TENM3: variants seen among roughly 807,000 people sequenced by gnomAD.
TENM3 encodes teneurin-3.
In TENM3, 63 loss-of-function variants were observed where a neutral mutation model predicts 255.1. That is an observed-to-expected ratio of 0.25 (90% CI 0.20 to 0.30). The LOEUF (loss-of-function observed/expected upper bound fraction) is 0.30. Among genes scored for constraint, TENM3 ranks in the 10% least tolerant of loss-of-function variants. The pLI, the probability that TENM3 is intolerant of heterozygous loss-of-function variation, is 1.00. For synonymous variants in TENM3, 1,306 were observed against 1,322.3 expected (o/e 0.99, Z 0.27); for missense variants, 2,929 against 3,461.1 (o/e 0.85, Z 3.86).
the TENM3 span, among the ~76,000 whole-genome samples, chr4:181,784,807 A>T: frequency 6.6e-6 from 1 of 152,086 alleles, no homozygotes; most frequent in Non-Finnish European, 1.5e-5. Flanking sequence ...CCCCCTCACC[A>T]TTTTTAAGTT....
At chr4:181,448,785 T>G in the TENM3 span, among the ~76,000 whole-genome samples, 6 of 152,206 alleles carry the variant, frequency 3.9e-5, no homozygotes, top group Non-Finnish European at 7.3e-5. Context: ...TTACAAAGTT[T>G]TATAAAGACT....
chr4:182,713,944 C>G, intron 12 of TENM3, 143 bp from the exon 13 acceptor site: 1 of 634,984 alleles, frequency 1.6e-6, no homozygotes. Flanking sequence ...CCATAGATAA[C>G]GTTGCTGTTT....
the TENM3 span, among the ~76,000 whole-genome samples, chr4:181,843,414 T>C: frequency 3.9e-5 from 6 of 152,202 alleles, no homozygotes; most frequent in African/African-American, 1.4e-4. Context: ...TAGCCCCTGA[T>C]ATATACTAAC....
At chr4:181,997,961 A>G in the TENM3 span, among the ~76,000 whole-genome samples, 3 of 152,196 alleles carry the variant, frequency 2.0e-5, no homozygotes, top group African/African-American at 7.2e-5. Context: ...AGATTTCACA[A>G]TCTAATCAGG....
the TENM3 span, among the ~76,000 whole-genome samples, chr4:181,486,204 G>T: frequency 6.6e-6 from 1 of 152,138 alleles, no homozygotes; most frequent in Admixed American, 6.5e-5. Flanking sequence ...ACCAGGTACA[G>T]AAGGTTGCAA....
At chr4:181,707,049 A>G in the TENM3 span, among the ~76,000 whole-genome samples, 1 of 152,162 alleles carries the variant, frequency 6.6e-6, no homozygotes, top group African/African-American at 2.4e-5. Context: ...ACTGCAGGCC[A>G]TACTGTTATA....
At chr4:182,709,833 C>T (rs751574546) in intron 12 of TENM3, among the ~76,000 whole-genome samples, 2 of 152,152 alleles carry the variant, frequency 1.3e-5, no homozygotes, top group South Asian at 2.1e-4. Context: ...ATTTTTCTTA[C>T]GGTTGGTTTT....
the TENM3 span, among the ~76,000 whole-genome samples, chr4:181,672,986 A>G: frequency 6.6e-6 from 1 of 152,154 alleles, no homozygotes. Context: ...CCAACACAGT[A>G]AACAAAGAAG....
At chr4:182,183,875 A>ATGAG (rs1167748008) in intron 1 of TENM3, among the ~76,000 whole-genome samples, 1 of 152,218 alleles carries the variant, frequency 6.6e-6, no homozygotes, top group Non-Finnish European at 1.5e-5. Flanking sequence ...TAGCAAACAT[A>ATGAG]TGAGTATTCT....
At chr4:182,480,862 T>C (rs1238058636) in intron 3 of TENM3, among the ~76,000 whole-genome samples, 1 of 152,132 alleles carries the variant, frequency 6.6e-6, no homozygotes, top group African/African-American at 2.4e-5. Context: ...ACTGACATAT[T>C]TTTAGGCAAT....
At chr4:182,349,753 TA>T in intron 3 of TENM3, 1 of 252,964 alleles carries the variant, frequency 4.0e-6, no homozygotes, top group Non-Finnish European at 7.8e-6. Flanking sequence ...TTAATTGCTC[TA>T]ACTTAAAAAG....
rs143403246 is a variant in TENM3 at position 182,544,264 on chromosome 4, T to C, written c.512-56660T>C. Among the ~76,000 whole-genome samples, 516 of 151,886 alleles carry C rather than the reference T, an allele frequency of 3.4e-3. 1 individual carries two copies. Among genetic ancestry groups the C allele is most frequent in the African/African-American group, 0.012 (495 of 41,466 alleles). On this transcript the variant is annotated intron_variant, in intron 3 of 27. Transcript: ENST00000511685. ...TCCAATTTCTACTTGCCTTTCAAGT[T>C]CCAGCTCAACTTTCCCCTGCAAGGC...
At chr4:182,762,819 A>G (rs937007934) in intron 22 of TENM3, among the ~76,000 whole-genome samples, 1 of 103,516 alleles carries the variant, frequency 9.7e-6, no homozygotes. Flanking sequence ...TGGGGATACT[A>G]TCATCTACAT....
the TENM3 span, among the ~76,000 whole-genome samples, chr4:182,066,599 AATATAT>A: frequency 1.1e-3 from 146 of 137,110 alleles, 1 homozygote; most frequent in Admixed American, 2.9e-3. Flanking sequence ...GTAAAAAAAA[AATATAT>A]ATATATATAT....
rs1384662651 is a variant in TENM3 at position 182,321,211 on chromosome 4, G to A, written c.-75-2735G>A. On this transcript the variant is annotated intron_variant, in intron 1 of 27. Coordinates refer to ENST00000511685, the MANE Select transcript of TENM3 (RefSeq NM_001080477.4). Reference sequence around the variant, plus strand: ...ATTTATTCACTCTGTCAGAAAGAATGTACCTGTTTCCCTGACTAAATGTAT... The same window carrying A: ...ATTTATTCACTCTGTCAGAAAGAATATACCTGTTTCCCTGACTAAATGTAT... Among the ~76,000 whole-genome samples, 4 of 152,182 alleles carry A rather than the reference G, an allele frequency of 2.6e-5. No individual in the cohort carries two copies. The South Asian group carries it at 6.2e-4, about 24-fold the overall frequency.
At chr4:181,861,354 C>A in the TENM3 span, among the ~76,000 whole-genome samples, 10,210 of 152,128 alleles carry the variant, frequency 0.067, 1,126 homozygotes, top group African/African-American at 0.23. Context: ...AACATTCCGC[C>A]TTTCGATCTT....
chr4:182,308,054 C>T (rs1047008485), intron 1 of TENM3, among the ~76,000 whole-genome samples: 4 of 152,210 alleles, frequency 2.6e-5, no homozygotes, highest in African/African-American at 9.6e-5. Flanking sequence ...CATTTTAATC[C>T]TCTGCCGTGG....
chr4:181,883,922 G>A, the TENM3 span, among the ~76,000 whole-genome samples: 1 of 152,174 alleles, frequency 6.6e-6, no homozygotes, highest in African/African-American at 2.4e-5. Context: ...GTTGCCGGAA[G>A]AAAGAAATGG....
At chr4:181,984,628 A>G in the TENM3 span, among the ~76,000 whole-genome samples, 1 of 152,134 alleles carries the variant, frequency 6.6e-6, no homozygotes, top group Non-Finnish European at 1.5e-5. Context: ...CCTAAAGCCA[A>G]CAGGGGCAGA....
Sources: gnomAD v4.1 joint callset for allele counts (sites outside exome capture counted in the v4.1 genomes callset) on GRCh38, gnomAD v4.1.1 for gene constraint, MANE v1.5 for transcripts, NCBI Gene and HGNC (gene_info 2026-07-23, HGNC 2026-07-21) for gene names.